The following RALGAPA1 variants were observed in gnomAD, a reference collection of about 807,000 sequenced individuals.
RALGAPA1 encodes the protein Ral GTPase activating protein catalytic subunit alpha 1.
RALGAPA1 carries 52 observed loss-of-function variants against 269.6 expected under a neutral mutation model. The observed-to-expected ratio is 0.19, with a 90% CI of 0.15 to 0.24. The LOEUF is 0.24. Ranked by LOEUF, RALGAPA1 falls within the 10% of genes least tolerant of loss-of-function variation. The probability of loss-of-function intolerance (pLI) is 1.00; values close to 1 mark genes in which losing one functional copy is unlikely to be tolerated. For synonymous variants in RALGAPA1, 817 were observed against 1,008.3 expected, an observed-to-expected ratio of 0.81 and a Z score of 3.60; for missense variants, 1,917 against 3,013.9, an observed-to-expected ratio of 0.64 and a Z score of 8.52.
In RALGAPA1 at chr14:35,689,815, T is replaced by G. The variant is rs1308612240; in HGVS notation, c.2596A>C (p.Ser866Arg). The G allele has an allele frequency of 3.2e-6, 5 of 1,570,660 alleles. No homozygotes were observed. The highest frequency in any genetic ancestry group is 4.3e-6 in the Non-Finnish European group (5 of 1,165,954). The change falls in exon 18 of 42, where the codon AGT becomes CGT. Residue 866 changes from serine (S) to arginine (R), a missense_variant. Transcript: ENST00000680220. The stretch of plus-strand genomic sequence containing the variant: ...AAGCTTGGTGCATGACGGGATGAAC[T>G]GTCAATGACAGGAACTGCACCTTTG... ...RAKGAVPVID[S>R]SSRHAPSLQS...
chr14:35,582,641 G>C (rs1370173027), intron 37 of RALGAPA1, among the ~76,000 whole-genome samples: 1 of 152,160 alleles, frequency 6.6e-6, no homozygotes, highest in Non-Finnish European at 1.5e-5. Context: ...CCCTACTTTT[G>C]TGAGTTTTAT....
Position 35,673,128 on chromosome 14 carries a change from T to C in RALGAPA1, c.4918-106A>G. The C allele has an allele frequency of 4.2e-6, 5 of 1,180,986 alleles. No homozygotes were observed. The South Asian group carries it at 7.4e-5, about 17-fold the overall frequency. The allele number at this position is 1,180,986 out of a possible 1,614,324, so 73.2% of individuals were successfully genotyped here. ...ATGTATATAATCTCATTTATTTCCA[T>C]GTTGGCCCAATTTCTTTAATGAACT... On this transcript the variant is annotated intron_variant, in intron 24 of 41. Transcript: ENST00000680220.
intron 7 of RALGAPA1, among the ~76,000 whole-genome samples, chr14:35,756,080 T>C (rs1255937904): frequency 2.0e-5 from 3 of 152,198 alleles, no homozygotes; most frequent in African/African-American, 4.8e-5. Context: ...TATTGGCAGA[T>C]TGATTCCTAA....
intron 12 of RALGAPA1, among the ~76,000 whole-genome samples, chr14:35,733,950 C>CAAAT (rs1373702773): frequency 1.5e-4 from 22 of 150,548 alleles, no homozygotes; most frequent in South Asian, 4.2e-4. Flanking sequence ...TGCAAATAAA[C>CAAAT]AAATAAATAA....
intron 8 of RALGAPA1, 55 bp downstream of exon 8, chr14:35,751,969 A>C: frequency 1.1e-4 from 175 of 1,528,974 alleles, no homozygotes; most frequent in Non-Finnish European, 1.4e-4. Context: ...CTTTACAGTA[A>C]GAGATTATTT....
At chr14:35,756,742 T>A in intron 7 of RALGAPA1, 51 bp downstream of exon 7, 1 of 1,230,722 alleles carries the variant, frequency 8.1e-7, no homozygotes, top group South Asian at 1.4e-5. Flanking sequence ...GAAAAGGGAA[T>A]CACCCACATA....
intron 31 of RALGAPA1, among the ~76,000 whole-genome samples, chr14:35,646,256 A>T (rs904376921): frequency 6.6e-6 from 1 of 152,220 alleles, no homozygotes; most frequent in Non-Finnish European, 1.5e-5. Context: ...TTTATATAGT[A>T]TAGTCTCAAA....
At chr14:35,795,033 A>C (rs1422198798) in intron 1 of RALGAPA1, among the ~76,000 whole-genome samples, 1 of 152,222 alleles carries the variant, frequency 6.6e-6, no homozygotes, top group African/African-American at 2.4e-5. Flanking sequence ...AGAACCTCTT[A>C]TTATCAGCAA....
intron 17 of RALGAPA1, among the ~76,000 whole-genome samples, chr14:35,696,817 C>A (rs1030283104): frequency 6.6e-6 from 1 of 151,834 alleles, no homozygotes; most frequent in Non-Finnish European, 1.5e-5. Flanking sequence ...TTTATGAGTT[C>A]GTTTAAGCTA....
At position 35,659,121 on chromosome 14, in the gene RALGAPA1, A is replaced by G. The variant is rs745461822; in HGVS notation, c.5387+17T>C. The G allele has an allele frequency of 3.0e-5, 48 of 1,586,886 alleles. 1 individual carries two copies. In the Admixed American group the frequency reaches 8.3e-4, roughly 27 times the overall value. Reference sequence around the variant, plus strand: ...AACACAAAATAGTTATACTCAGTCTAAGAATATCCGACCTACCGTGCAGGA... The same window carrying G: ...AACACAAAATAGTTATACTCAGTCTGAGAATATCCGACCTACCGTGCAGGA... On this transcript the variant is annotated intron_variant, in intron 28 of 41. Coordinates refer to ENST00000680220, the MANE Select transcript of RALGAPA1 (RefSeq NM_001346249.2).
intron 1 of RALGAPA1, among the ~76,000 whole-genome samples, chr14:35,789,975 C>T (rs1329631774): frequency 1.3e-5 from 2 of 151,970 alleles, no homozygotes; most frequent in Admixed American, 1.3e-4. Context: ...CAGAATTGGC[C>T]GGGTGCAATG....
At chr14:35,663,525 C>T (rs1010488622) in intron 27 of RALGAPA1, among the ~76,000 whole-genome samples, 5 of 151,434 alleles carry the variant, frequency 3.3e-5, no homozygotes, top group Non-Finnish European at 7.4e-5. Context: ...AGGTCACATA[C>T]AAAGACCATC....
At chr14:35,778,417 A>AG (rs1383752530) in intron 1 of RALGAPA1, among the ~76,000 whole-genome samples, 1 of 152,178 alleles carries the variant, frequency 6.6e-6, no homozygotes, top group East Asian at 1.9e-4. Context: ...CCATTCCAAA[A>AG]GGAAAGGGAT....
intron 28 of RALGAPA1, among the ~76,000 whole-genome samples, chr14:35,656,135 A>G: frequency 6.6e-6 from 1 of 152,210 alleles, no homozygotes; most frequent in East Asian, 1.9e-4. Flanking sequence ...TAAGAAGACT[A>G]CAGGCTGGGA....
intron 31 of RALGAPA1, among the ~76,000 whole-genome samples, chr14:35,647,392 G>A (rs561555711): frequency 7.2e-5 from 11 of 152,222 alleles, no homozygotes; most frequent in African/African-American, 2.6e-4. Context: ...TGAGGTTAAG[G>A]AGCAGCAATC....
chr14:35,740,891 C>A (rs1480403482), intron 11 of RALGAPA1, among the ~76,000 whole-genome samples: 1 of 152,148 alleles, frequency 6.6e-6, no homozygotes, highest in East Asian at 1.9e-4. Context: ...ATAACTGTAA[C>A]ACCAAAAATT....
intron 37 of RALGAPA1, among the ~76,000 whole-genome samples, chr14:35,588,192 G>A (rs1451813857): frequency 6.6e-6 from 1 of 152,200 alleles, no homozygotes; most frequent in African/African-American, 2.4e-5. Flanking sequence ...GCCTCCCAAA[G>A]TGCTGGGATT....
At chr14:35,636,549 C>T (rs1333026537) in intron 31 of RALGAPA1, among the ~76,000 whole-genome samples, 1 of 152,134 alleles carries the variant, frequency 6.6e-6, no homozygotes, top group South Asian at 2.1e-4. Context: ...TTGAGACAGT[C>T]TTGCTCTGTC....
At chr14:35,766,850 AG>A (rs954961730) in intron 4 of RALGAPA1, 8 of 462,630 alleles carry the variant, frequency 1.7e-5, no homozygotes, top group Middle Eastern at 3.5e-4. Flanking sequence ...CAGAACAGGA[AG>A]TGCCCAGGAT....
Sources: gnomAD v4.1 joint callset for allele counts (sites outside exome capture counted in the v4.1 genomes callset) on GRCh38, gnomAD v4.1.1 for gene constraint, MANE v1.5 for transcripts, NCBI Gene and HGNC (gene_info 2026-07-23, HGNC 2026-07-21) for gene names.